Variants in PWWP2A observed in about 807,000 individuals in gnomAD.
PWWP2A encodes PWWP domain-containing protein 2A.
A neutral mutation model predicts 48.5 loss-of-function variants in PWWP2A; 18 were observed. The ratio of observed to expected loss-of-function variants is 0.37; its 90% CI spans 0.26 to 0.55. PWWP2A has a LOEUF of 0.55. Ranked by LOEUF, PWWP2A falls within the 20% of genes least tolerant of loss-of-function variation. PWWP2A has a pLI of 0.81. For missense variants in PWWP2A, 867 were observed against 976.4 expected (o/e 0.89, Z 1.49); for synonymous variants, 396 against 387.7 (o/e 1.02, Z -0.25).
intron 1 of PWWP2A, among the ~76,000 whole-genome samples, chr5:160,107,970 T>A (rs945630122): frequency 5.3e-5 from 8 of 151,864 alleles, no homozygotes; most frequent in Admixed American, 4.6e-4. Context: ...CATTGCACTC[T>A]GGCCTGGGCG....
In PWWP2A at chr5:160,119,428, C is replaced by G; in HGVS notation, c.-40G>C. On this transcript the variant is annotated 5_prime_UTR_variant, in exon 1 of 2. Coordinates refer to ENST00000307063, the MANE Select transcript of PWWP2A (RefSeq NM_001130864.2). ...CTCCCTCCTCCAACTCCGGCTGCAG[C>G]GGCGGCGGCGACAGCGCTGCTTGGT... 1.5e-6 allele frequency: 2 copies of G among 1,350,426 alleles called. No homozygotes were observed. Among genetic ancestry groups the G allele is most frequent in the Non-Finnish European group, 1.9e-6 (2 of 1,056,740 alleles). 83.7% of individuals were successfully genotyped at this position (1,350,426 alleles called of 1,614,324 possible).
At chr5:160,101,648 A>C (rs1756303644) in intron 1 of PWWP2A, among the ~76,000 whole-genome samples, 1 of 107,432 alleles carries the variant, frequency 9.3e-6, no homozygotes, top group Non-Finnish European at 2.0e-5. Context: ...GTTAAAATAC[A>C]TTTTGTTATT....
chr5:160,046,201 T>C, the PWWP2A span, among the ~76,000 whole-genome samples: 2 of 152,232 alleles, frequency 1.3e-5, no homozygotes, highest in Admixed American at 1.3e-4. Flanking sequence ...CATGGAGCAT[T>C]TGTTTTATCC....
chr5:160,116,589 G>C (rs1011878453), intron 1 of PWWP2A: 45 of 815,128 alleles, frequency 5.5e-5, no homozygotes, highest in Admixed American at 1.2e-4. Context: ...GATAGCATGA[G>C]ACCAAAACTC....
chr5:160,050,259 C>G, the PWWP2A span, among the ~76,000 whole-genome samples: 1 of 152,106 alleles, frequency 6.6e-6, no homozygotes, highest in Non-Finnish European at 1.5e-5. Context: ...ACCAGCCTGA[C>G]CAACATGGAG....
At chr5:160,071,149 A>G (rs186828051), downstream of PWWP2A, among the ~76,000 whole-genome samples, 4 of 152,302 alleles carry the variant, frequency 2.6e-5, no homozygotes, top group East Asian at 7.7e-4. Flanking sequence ...AGATGGCACC[A>G]CTGCATTCCA....
At chr5:160,101,838 C>A (rs1490773718) in intron 1 of PWWP2A, among the ~76,000 whole-genome samples, 1 of 151,370 alleles carries the variant, frequency 6.6e-6, no homozygotes, top group Non-Finnish European at 1.5e-5. Flanking sequence ...TGGCCGGCCA[C>A]TGGGGCTCAT....
chr5:160,075,343 T>A (rs1474135982), downstream of PWWP2A, among the ~76,000 whole-genome samples: 3 of 152,178 alleles, frequency 2.0e-5, no homozygotes, highest in African/African-American at 7.2e-5. Flanking sequence ...GCCAAAGGAT[T>A]GCTTTTCTTG....
chr5:160,061,729 G>A (rs982055746), downstream of PWWP2A: 4 of 152,110 alleles, frequency 2.6e-5, no homozygotes, highest in Admixed American at 6.5e-5. Context: ...CAGAGATACT[G>A]GAATTGAAGG....
chr5:160,089,445 C>T, downstream of PWWP2A: 1 of 908,498 alleles, frequency 1.1e-6, no homozygotes, highest in East Asian at 7.1e-5. Flanking sequence ...CTCCGGGCCT[C>T]AAGCAATCAT....
intron 1 of PWWP2A, among the ~76,000 whole-genome samples, chr5:160,115,790 G>C (rs952564533): frequency 6.6e-6 from 1 of 151,532 alleles, no homozygotes; most frequent in Non-Finnish European, 1.5e-5. Flanking sequence ...AGTGAGCTAC[G>C]ATCCCAGCAC....
rs961643494 is a variant in PWWP2A at position 160,091,822 on chromosome 5, T to C, written c.*560A>G. ...ACCTAACCATCTAACTTTTACACCA[T>C]TATGCGCATAGAAAGGCTAAGTGTT... On this transcript the variant is annotated 3_prime_UTR_variant, in exon 2 of 2. Coordinates refer to ENST00000307063, the MANE Select transcript of PWWP2A (RefSeq NM_001130864.2). The C allele has an allele frequency of 6.7e-5, 66 of 985,024 alleles. No individual in the cohort carries two copies. The highest frequency in any genetic ancestry group is 7.6e-5 in the Non-Finnish European group (63 of 829,886). 61.0% of individuals were successfully genotyped at this position (985,024 alleles called of 1,614,324 possible).
chr5:160,065,900 G>A (rs1345711211), intron 4 of PWWP2A, among the ~76,000 whole-genome samples: 5 of 152,160 alleles, frequency 3.3e-5, no homozygotes, highest in Admixed American at 3.3e-4. Flanking sequence ...GAACCTAGAG[G>A]TGTCAAAGAT....
At position 160,118,970 on chromosome 5, in the gene PWWP2A, GC is replaced by G; in HGVS notation, c.418del (p.Ala140ProfsTer17). 1 of 1,598,062 alleles carries G rather than the reference GC, an allele frequency of 6.3e-7. No homozygotes were observed. Among genetic ancestry groups the G allele is most frequent in the Non-Finnish European group, 8.5e-7 (1 of 1,174,148 alleles). The stretch of plus-strand genomic sequence containing the variant: ...GCCCGCCGGCGGCACGAGCGCCGGG[GC>G]TACGGGCTGAGGCAGCGGCGGCTCC... ...REEPPLPQPV[A>X]PALVPPAGGD... On this transcript the variant is annotated frameshift_variant, in exon 1 of 2. Transcript: ENST00000307063. LOFTEE classifies it high-confidence loss of function.
rs1755352981 is a variant in PWWP2A, at chr5:160,093,973, T to C, written c.677A>G (p.Gln226Arg). 6.2e-7 allele frequency: 1 copy of C among 1,614,074 alleles called. No homozygotes were observed. Among genetic ancestry groups the C allele is most frequent in the Non-Finnish European group, 8.5e-7 (1 of 1,179,908 alleles). ...TTCACACTTGACTTCTGTCCCTTCT[T>C]GGAATGTATTACTTTGGAGCGGCAT... is the stretch of plus-strand genomic sequence containing the variant. ...EAMPLQSNTFQEGTEVKCEAN... is the reference protein window; with the variant it reads ...EAMPLQSNTFREGTEVKCEAN... The change falls in exon 2 of 2, where the codon CAA (glutamine) becomes CGA (arginine). Residue 226 changes from glutamine to arginine, a missense_variant. Physicochemically the swap from Gln to Arg is conservative, Grantham distance 43. This residue lies in a region of PWWP2A where 385 missense variants were observed against 396.9 expected (regional missense o/e 0.97). Coordinates refer to ENST00000307063, the MANE Select transcript of PWWP2A (RefSeq NM_001130864.2). The surrounding 1 kb of genome is among the most constrained non-coding windows in gnomAD (Gnocchi z 5.8).
chr5:160,119,160 C>T lies in PWWP2A; in HGVS notation c.229G>A (p.Glu77Lys). The T allele has an allele frequency of 1.3e-6, 2 of 1,532,552 alleles. No homozygotes were observed. Among genetic ancestry groups the T allele is most frequent in the Non-Finnish European group, 1.7e-6 (2 of 1,155,682 alleles). 94.9% of individuals were successfully genotyped at this position (1,532,552 alleles called of 1,614,324 possible). The change falls in exon 1 of 2, where the codon GAG (glutamate) becomes AAG (lysine). Residue 77 changes from glutamate to lysine, a missense_variant. Coordinates refer to ENST00000307063, the MANE Select transcript of PWWP2A (RefSeq NM_001130864.2). ...ACCGCCTCTGGGCTGCGGGCGAGCTCCCCCGGCGGCGGCGGTGGCGGCGGG... is the reference window on the plus strand; with the variant it reads ...ACCGCCTCTGGGCTGCGGGCGAGCTTCCCCGGCGGCGGCGGTGGCGGCGGG... ...PLPPPPPPPG[E>K]LARSPEAVGP...
chr5:160,088,417 G>GA (rs1754811313), downstream of PWWP2A, among the ~76,000 whole-genome samples: 1 of 152,130 alleles, frequency 6.6e-6, no homozygotes, highest in African/African-American at 2.4e-5. Context: ...GTTTTTAGAA[G>GA]AGACAGGGTT....
At chr5:160,088,083 C>T (rs1754782733), downstream of PWWP2A, among the ~76,000 whole-genome samples, 1 of 152,200 alleles carries the variant, frequency 6.6e-6, no homozygotes, top group Non-Finnish European at 1.5e-5. Flanking sequence ...TAAATCTACA[C>T]AAACTGTAAA....
intron 4 of PWWP2A, among the ~76,000 whole-genome samples, chr5:160,066,007 G>A (rs7714630): frequency 0.07 from 10,641 of 152,232 alleles, 454 homozygotes; most frequent in African/African-American, 0.12. Flanking sequence ...CATCTTGGAT[G>A]TAAATTACAC....
Sources: gnomAD v4.1 joint callset for allele counts (sites outside exome capture counted in the v4.1 genomes callset) on GRCh38, gnomAD v4.1.1 for gene constraint, gnomAD v4.1.1 regional missense constraint, Gnocchi (gnomAD v3.1) non-coding constraint, MANE v1.5 for transcripts, NCBI Gene and HGNC (gene_info 2026-07-23, HGNC 2026-07-21) for gene names.